Variants in SHROOM3 observed in about 807,000 individuals in gnomAD.
SHROOM3 encodes shroom family member 3.
SHROOM3 carries 47 observed loss-of-function variants against 138.6 expected under a neutral mutation model. The observed-to-expected ratio is 0.34, with a 90% CI of 0.27 to 0.43. The LOEUF is 0.43. Among genes scored for constraint, SHROOM3 ranks in the 20% least tolerant of loss-of-function variants. The probability of loss-of-function intolerance (pLI) is 1.00; values close to 1 mark genes in which losing one functional copy is unlikely to be tolerated. For missense variants in SHROOM3, 2,491 were observed against 2,596.5 expected (o/e 0.96, Z 0.88); for synonymous variants, 1,062 against 1,063.3 (o/e 1.00, Z 0.02).
Position 76,436,066 on chromosome 4 carries a change from C to A in SHROOM3, c.14C>A (p.Thr5Asn). The A allele has an allele frequency of 6.2e-7, 1 of 1,613,966 alleles. No individual in the cohort carries two copies. The highest frequency in any genetic ancestry group is 8.5e-7 in the Non-Finnish European group (1 of 1,179,906). Residue 5 changes from threonine (T) to asparagine (N), a missense_variant, in exon 1 of 11, where the codon ACT becomes AAT. By Grantham distance (65) the Thr-to-Asn change is moderately conservative. Around this residue, in one of 4 missense-constraint regions of SHROOM3, gnomAD observed 284 missense variants for 322.8 expected, o/e 0.88. Coordinates refer to ENST00000296043, the MANE Select transcript of SHROOM3 (RefSeq NM_020859.4). The stretch of plus-strand genomic sequence containing the variant: ...CATGTGTTTGGCATGATGAGGACCA[C>A]TGAAGACTTCCACAAGCCTAGTGCC... MMRTTEDFHKPSATL... is the reference protein window; with the variant it reads MMRTNEDFHKPSATL...
intron 4 of SHROOM3, among the ~76,000 whole-genome samples, chr4:76,737,696 G>A (rs1367569645): frequency 6.6e-5 from 10 of 152,034 alleles, no homozygotes; most frequent in Admixed American, 6.6e-4. Context: ...CCCTCAGGAC[G>A]TCCTGAGAAC....
intron 2 of SHROOM3, among the ~76,000 whole-genome samples, chr4:76,659,862 G>A (rs771867108): frequency 2.0e-5 from 3 of 152,140 alleles, no homozygotes; most frequent in Non-Finnish European, 4.4e-5. Flanking sequence ...GATTACAGGC[G>A]TGAGCCACCG....
intron 1 of SHROOM3, among the ~76,000 whole-genome samples, chr4:76,495,298 A>T (rs571398281): frequency 1.3e-5 from 2 of 152,138 alleles, no homozygotes; most frequent in African/African-American, 4.8e-5. Context: ...TCACAGCTGC[A>T]CTCTCTTGTG....
intron 1 of SHROOM3, among the ~76,000 whole-genome samples, chr4:76,440,312 A>T (rs1402475678): frequency 6.6e-6 from 1 of 152,166 alleles, no homozygotes; most frequent in Non-Finnish European, 1.5e-5. Flanking sequence ...AAGCTCTCAT[A>T]GCTACTAAGT....
At chr4:76,691,097 A>G (rs1384185499) in intron 2 of SHROOM3, among the ~76,000 whole-genome samples, 1 of 152,200 alleles carries the variant, frequency 6.6e-6, no homozygotes, top group Non-Finnish European at 1.5e-5. Flanking sequence ...CGAGGTGCCC[A>G]AACACATACC....
intron 1 of SHROOM3, among the ~76,000 whole-genome samples, chr4:76,441,405 T>A (rs1463366378): frequency 6.6e-6 from 1 of 152,158 alleles, no homozygotes; most frequent in Non-Finnish European, 1.5e-5. Flanking sequence ...TGAGTTCAAT[T>A]TGAAATGGAT....
At chr4:76,537,654 A>G (rs1302296197) in intron 1 of SHROOM3, among the ~76,000 whole-genome samples, 1 of 152,174 alleles carries the variant, frequency 6.6e-6, no homozygotes, top group Non-Finnish European at 1.5e-5. Flanking sequence ...GATGGGTTCA[A>G]TATATAATGT....
At chr4:76,487,857 C>T (rs1731763985) in intron 1 of SHROOM3, among the ~76,000 whole-genome samples, 1 of 152,196 alleles carries the variant, frequency 6.6e-6, no homozygotes, top group African/African-American at 2.4e-5. Flanking sequence ...GGCTCTTGCT[C>T]TCTTAGTTGC....
At chr4:76,437,535 A>T (rs1031454547) in intron 1 of SHROOM3, among the ~76,000 whole-genome samples, 9 of 152,196 alleles carry the variant, frequency 5.9e-5, no homozygotes, top group African/African-American at 1.9e-4. Flanking sequence ...TCTTCATTCC[A>T]GACAGGTTTT....
intron 2 of SHROOM3, among the ~76,000 whole-genome samples, chr4:76,656,543 G>C (rs1167170549): frequency 1.3e-5 from 2 of 152,062 alleles, no homozygotes; most frequent in East Asian, 3.8e-4. Flanking sequence ...TGAGTTGCAT[G>C]GCACCTGGAA....
At chr4:76,710,334 G>A (rs768463521) in intron 3 of SHROOM3, 47 bp downstream of exon 3, 24 of 1,610,700 alleles carry the variant, frequency 1.5e-5, no homozygotes, top group Non-Finnish European at 2.0e-5. Flanking sequence ...AAAGAACCCA[G>A]TCCAAAAAGC....
At chr4:76,512,641 A>G (rs1732361647) in intron 1 of SHROOM3, among the ~76,000 whole-genome samples, 1 of 152,156 alleles carries the variant, frequency 6.6e-6, no homozygotes, top group Non-Finnish European at 1.5e-5. Context: ...ATTACCTCCA[A>G]AATGATTGGG....
intron 1 of SHROOM3, among the ~76,000 whole-genome samples, chr4:76,437,204 G>T (rs371871440): frequency 1.3e-5 from 2 of 152,156 alleles, no homozygotes; most frequent in African/African-American, 4.8e-5. Flanking sequence ...AGCCACGAGT[G>T]CACGGGACAC....
intron 1 of SHROOM3, among the ~76,000 whole-genome samples, chr4:76,467,170 G>A (rs2109979399): frequency 6.6e-6 from 1 of 151,904 alleles, no homozygotes; most frequent in Non-Finnish European, 1.5e-5. Context: ...AGCCTCCCGA[G>A]TAGCTGGGAT....
At chr4:76,444,951 G>T (rs997240062) in intron 1 of SHROOM3, among the ~76,000 whole-genome samples, 1 of 150,954 alleles carries the variant, frequency 6.6e-6, no homozygotes, top group Admixed American at 6.6e-5. Flanking sequence ...ACAAAAATTT[G>T]CCAGGCATGG....
chr4:76,768,577 C>G (rs1288391957), intron 9 of SHROOM3, among the ~76,000 whole-genome samples: 1 of 152,190 alleles, frequency 6.6e-6, no homozygotes, highest in Non-Finnish European at 1.5e-5. Context: ...GTGGTGTGAT[C>G]TAGGCTCACT....
intron 2 of SHROOM3, among the ~76,000 whole-genome samples, chr4:76,666,191 G>C (rs1171922340): frequency 8.5e-5 from 13 of 152,188 alleles, no homozygotes; most frequent in Admixed American, 8.5e-4. Context: ...TTTAAGAAAA[G>C]TCCAGTGATA....
chr4:76,447,506 G>A (rs1237495006), intron 1 of SHROOM3, among the ~76,000 whole-genome samples: 1 of 152,110 alleles, frequency 6.6e-6, no homozygotes, highest in African/African-American at 2.4e-5. Context: ...GGATCTGGCT[G>A]CATTCCAGAA....
intron 2 of SHROOM3, among the ~76,000 whole-genome samples, chr4:76,556,902 T>C (rs867129836): frequency 3.3e-5 from 5 of 152,146 alleles, no homozygotes; most frequent in Non-Finnish European, 7.3e-5. Flanking sequence ...CTCCAGGCTC[T>C]AGTGACTCTC....
Sources: gnomAD v4.1 joint callset for allele counts (sites outside exome capture counted in the v4.1 genomes callset) on GRCh38, gnomAD v4.1.1 for gene constraint, gnomAD v4.1.1 regional missense constraint, MANE v1.5 for transcripts, NCBI Gene and HGNC (gene_info 2026-07-23, HGNC 2026-07-21) for gene names.